DAB2: variants seen among roughly 807,000 people sequenced by gnomAD.
DAB2 encodes disabled homolog 2.
Under a neutral mutation model 71.6 loss-of-function variants are expected in DAB2, and 28 were observed. The ratio of observed to expected loss-of-function variants is 0.39; its 90% CI spans 0.29 to 0.54. The LOEUF (loss-of-function observed/expected upper bound fraction) is 0.54, where lower values mean the gene tolerates loss of function less well. Among genes scored for constraint, DAB2 ranks in the 20% least tolerant of loss-of-function variants. The pLI is 0.68. For synonymous variants in DAB2, 345 were observed against 339.7 expected (o/e 1.02, Z -0.17); for missense variants, 867 against 928.8 (o/e 0.93, Z 0.86).
chr5:39,401,676 G>A (rs528559376), intron 1 of DAB2, among the ~76,000 whole-genome samples: 1 of 152,250 alleles, frequency 6.6e-6, no homozygotes, highest in South Asian at 2.1e-4. Flanking sequence ...CTTAACAAAT[G>A]GTAGCTGTAT....
intron 11 of DAB2, among the ~76,000 whole-genome samples, chr5:39,380,561 C>T (rs537241724): frequency 6.6e-6 from 1 of 152,264 alleles, no homozygotes; most frequent in Non-Finnish European, 1.5e-5. Context: ...GAGTCCATAG[C>T]AGGACAGCAA....
intron 1 of DAB2, among the ~76,000 whole-genome samples, chr5:39,419,098 G>A (rs1208958405): frequency 2.6e-5 from 4 of 152,154 alleles, no homozygotes; most frequent in African/African-American, 9.7e-5. Flanking sequence ...TTTGAGATGT[G>A]ATCTCTGTTT....
intron 6 of DAB2, 94 bp from the exon 7 acceptor site, chr5:39,389,217 G>T: frequency 2.2e-6 from 2 of 924,362 alleles, no homozygotes; most frequent in Non-Finnish European, 3.4e-6. Flanking sequence ...ACAGGCATAA[G>T]GCAAGAATAA....
At chr5:39,389,684 G>A (rs1168214777) in intron 6 of DAB2, among the ~76,000 whole-genome samples, 168 bp downstream of exon 6, 1 of 152,040 alleles carries the variant, frequency 6.6e-6, no homozygotes, top group African/African-American at 2.4e-5. Flanking sequence ...GCTAATTTTT[G>A]TAGTTTTAGT....
rs1195850913 is a variant in DAB2, at chr5:39,377,287, A to C, written c.1505-5T>G. 5.0e-6 allele frequency: 8 copies of C among 1,602,642 alleles called. No homozygotes were observed. Among genetic ancestry groups the C allele is most frequent in the African/African-American group, 1.3e-5 (1 of 74,376 alleles). ...GGAGTGTGACAGTTACACCACCTGA[A>C]GTAAGAGGAAGAAAAATACTTATCA... On this transcript the variant is annotated splice_region_variant and splice_polypyrimidine_tract_variant and intron_variant, in intron 11 of 14. Transcript: ENST00000320816.
intron 8 of DAB2, 33 bp from the exon 9 acceptor site, chr5:39,388,400 G>A (rs774695087): frequency 2.1e-6 from 3 of 1,438,524 alleles, no homozygotes; most frequent in Non-Finnish European, 2.9e-6. Flanking sequence ...ATTCAGATGT[G>A]TCTACTAAAA....
At chr5:39,416,059 A>ATT (rs991319319) in intron 1 of DAB2, among the ~76,000 whole-genome samples, 2 of 145,622 alleles carry the variant, frequency 1.4e-5, no homozygotes, top group African/African-American at 5.0e-5. Flanking sequence ...TCCCCATCAT[A>ATT]TTTTTTTTTT....
At position 39,376,085 on chromosome 5, in the gene DAB2, C is replaced by A. The variant is rs1249686864; in HGVS notation, c.2159G>T (p.Arg720Ile). The change falls in exon 13 of 15, where the codon AGA becomes ATA. Residue 720 changes from arginine (R) to isoleucine (I), a missense_variant. Around this residue, in one of 2 missense-constraint regions of DAB2, gnomAD observed 740 missense variants for 734.3 expected, o/e 1.01. Transcript: ENST00000320816. ...KINEPPKPAP[R>I]QVSLPVTKST... ...TTTGGTAACTGGCAGGGAAACTTGT[C>A]TGGGAGCTGGCTTTGGTGGTTCTAG... 6.8e-6 allele frequency: 11 copies of A among 1,613,948 alleles called. No individual in the cohort carries two copies. In the South Asian group the frequency reaches 1.2e-4, roughly 18 times the overall value.
intron 1 of DAB2, among the ~76,000 whole-genome samples, chr5:39,401,154 A>G (rs62358449): frequency 0.028 from 4,191 of 152,330 alleles, 89 homozygotes; most frequent in South Asian, 0.086. Context: ...CTGAGCAGAC[A>G]GTAAGATTTT....
rs770941813 is a variant in DAB2 at position 39,393,378 on chromosome 5, T to C, written c.107A>G (p.Asp36Gly). ...KEKKKGPEKT[D>G]EYLLARFKGD... The stretch of plus-strand genomic sequence containing the variant: ...TTTGAACCTTGCTAAGAGATATTCA[T>C]CTGTCTTTTCAGGGCCTGAGAAAAG... Residue 36 changes from aspartate (D) to glycine (G), a missense_variant, in exon 3 of 15, where the codon GAT becomes GGT. Physicochemically the swap from Asp to Gly is moderately conservative, Grantham distance 94. Around this residue, in one of 2 missense-constraint regions of DAB2, gnomAD observed 127 missense variants for 194.4 expected, o/e 0.65. Transcript: ENST00000320816. 5.0e-6 allele frequency: 8 copies of C among 1,613,872 alleles called. No individual in the cohort carries two copies. Among genetic ancestry groups the C allele is most frequent in the Non-Finnish European group, 6.8e-6 (8 of 1,179,954 alleles).
At position 39,383,071 on chromosome 5, in the gene DAB2, A is replaced by G. The variant is rs34167601; in HGVS notation, c.888T>C (p.Arg296=). The G allele has an allele frequency of 4.6e-4, 746 of 1,614,146 alleles. 5 individuals are homozygous for G. The African/African-American group carries it at 9.2e-3, about 20-fold the overall frequency. ...GGTCTGGCTGTGTGAAAGGATCGTC[A>G]CGGAAAGGATCAGGATTAGGGGTGG... is the stretch of plus-strand genomic sequence containing the variant. The part of the protein sequence containing the change: ...FFPTPNPDPF[R]DDPFTQPDQS... Residue 296 remains arginine, a synonymous_variant, in exon 10 of 15, where the codon CGT becomes CGC. Coordinates refer to ENST00000320816, the MANE Select transcript of DAB2 (RefSeq NM_001343.4).
intron 1 of DAB2, 91 bp from the exon 2 acceptor site, chr5:39,394,512 T>G: frequency 1.7e-6 from 1 of 581,336 alleles, no homozygotes; most frequent in Non-Finnish European, 3.1e-6. Flanking sequence ...GACTTTCTTT[T>G]GTAGTTCTTT....
chr5:39,395,183 A>C (rs78147350), intron 1 of DAB2, among the ~76,000 whole-genome samples: 2,259 of 152,012 alleles, frequency 0.015, 44 homozygotes, highest in African/African-American at 0.052. Flanking sequence ...ACCACGCAGA[A>C]GTGAGCTAAC....
chr5:39,377,127 C>A lies in DAB2; in HGVS notation c.1660G>T (p.Gly554Cys). 1.2e-6 allele frequency: 2 copies of A among 1,614,142 alleles called. No individual in the cohort carries two copies. The highest frequency in any genetic ancestry group is 1.1e-5 in the South Asian group (1 of 91,082). Reference sequence around the variant, plus strand: ...GCAAAGGGTGAAGGCTGGTTCCAACCTGAAACAGCTGGACTTGTACCAAAA... The same window carrying A: ...GCAAAGGGTGAAGGCTGGTTCCAACATGAAACAGCTGGACTTGTACCAAAA... ...VIFGTSPAVSGWNQPSPFAAS... is the reference protein window; with the variant it reads ...VIFGTSPAVSCWNQPSPFAAS... The change falls in exon 12 of 15, where the codon GGT becomes TGT. Residue 554 changes from glycine to cysteine, a missense_variant. Gly to Cys is a radical substitution (Grantham distance 159). Transcript: ENST00000320816.
At chr5:39,403,363 T>A (rs567087745) in intron 1 of DAB2, among the ~76,000 whole-genome samples, 98 of 152,238 alleles carry the variant, frequency 6.4e-4, no homozygotes, top group African/African-American at 2.2e-3. Context: ...AACCATTTTT[T>A]AAAAACAGGA....
At chr5:39,415,850 G>T (rs770591661) in intron 1 of DAB2, among the ~76,000 whole-genome samples, 3 of 152,102 alleles carry the variant, frequency 2.0e-5, no homozygotes, top group Non-Finnish European at 4.4e-5. Context: ...CTGAACATTT[G>T]CATCACTATA....
chr5:39,406,949 A>C (rs1321496647), intron 1 of DAB2, among the ~76,000 whole-genome samples: 1 of 152,204 alleles, frequency 6.6e-6, no homozygotes, highest in Non-Finnish European at 1.5e-5. Flanking sequence ...CTGATACAAA[A>C]CACAGTAAAT....
At chr5:39,410,536 G>C (rs1335188035) in intron 1 of DAB2, among the ~76,000 whole-genome samples, 2 of 152,014 alleles carry the variant, frequency 1.3e-5, no homozygotes, top group Non-Finnish European at 2.9e-5. Context: ...AAATCATAGG[G>C]TACCAAATAA....
intron 1 of DAB2, among the ~76,000 whole-genome samples, chr5:39,410,431 C>G (rs982914336): frequency 6.6e-6 from 1 of 152,086 alleles, no homozygotes; most frequent in African/African-American, 2.4e-5. Flanking sequence ...ATAGCCCATG[C>G]AAGATGTTGT....
Sources: gnomAD v4.1 joint callset for allele counts (sites outside exome capture counted in the v4.1 genomes callset) on GRCh38, gnomAD v4.1.1 for gene constraint, gnomAD v4.1.1 regional missense constraint, MANE v1.5 for transcripts, NCBI Gene and HGNC (gene_info 2026-07-23, HGNC 2026-07-21) for gene names.